CAPN14: variants seen among roughly 807,000 people sequenced by gnomAD.
The protein encoded by CAPN14 is calpain 14.
CAPN14 carries 94 observed loss-of-function variants against 101.3 expected under a neutral mutation model. The observed-to-expected ratio is 0.93, with a 90% CI of 0.79 to 1.10. CAPN14 has a LOEUF of 1.10. Among genes scored for constraint, CAPN14 ranks in the 50% least tolerant of loss-of-function variants. The pLI is 0.00. For missense variants in CAPN14, 837 were observed against 828.4 expected, an observed-to-expected ratio of 1.01 and a Z score of -0.13; for synonymous variants, 338 against 317.9, an observed-to-expected ratio of 1.06 and a Z score of -0.67.
chr2:31,181,761 G>A (rs1172615942), intron 16 of CAPN14, among the ~76,000 whole-genome samples: 1 of 140,478 alleles, frequency 7.1e-6, no homozygotes, highest in Non-Finnish European at 1.5e-5. Context: ...CTATGAGTGA[G>A]AACATGTGGT....
chr2:31,220,714 A>T (rs544073978), upstream of CAPN14, among the ~76,000 whole-genome samples: 1 of 152,200 alleles, frequency 6.6e-6, no homozygotes, highest in African/African-American at 2.4e-5. Flanking sequence ...CTGTAATCCC[A>T]GCTACTCAGG....
chr2:31,193,539 C>T (rs1041247962), intron 9 of CAPN14, among the ~76,000 whole-genome samples: 10 of 152,178 alleles, frequency 6.6e-5, no homozygotes, highest in African/African-American at 2.4e-4. Flanking sequence ...AAGCAGCCGG[C>T]CACATGGCTG....
chr2:31,217,164 G>C (rs1682682353), intron 1 of CAPN14, among the ~76,000 whole-genome samples: 1 of 152,060 alleles, frequency 6.6e-6, no homozygotes, highest in South Asian at 2.1e-4. Flanking sequence ...AGAGCTGGAG[G>C]GACCTCAGAA....
At chr2:31,223,457 T>A (rs534695058) in intron 2 of CAPN14, among the ~76,000 whole-genome samples, 15 of 152,128 alleles carry the variant, frequency 9.9e-5, no homozygotes, top group East Asian at 3.9e-4. Flanking sequence ...CAGTTCAACA[T>A]CCTACCCTTC....
At chr2:31,218,072 A>C (rs893050092), upstream of CAPN14, among the ~76,000 whole-genome samples, 2 of 151,986 alleles carry the variant, frequency 1.3e-5, no homozygotes, top group East Asian at 3.9e-4. Flanking sequence ...CCTACTTTCC[A>C]AATCCCCCAT....
intron 1 of CAPN14, among the ~76,000 whole-genome samples, chr2:31,231,366 C>T (rs183424451): frequency 1.2e-4 from 19 of 152,328 alleles, no homozygotes; most frequent in Admixed American, 7.8e-4. Context: ...CACAATGGAA[C>T]ATGGCATGTC....
rs1428124271 is a variant in CAPN14 at position 31,202,250 on chromosome 2, C to A, written c.298G>T (p.Asp100Tyr). Reference sequence around the variant, plus strand: ...TGCAAAGCAGCCAAGAACCAGCAGTCTCCTAAGTCAGACAGCACACAGCAT... The same window carrying A: ...TGCAAAGCAGCCAAGAACCAGCAGTATCCTAAGTCAGACAGCACACAGCAT... ...RLDLCQGIVG[D>Y]CWFLAALQAL... is the part of the protein sequence containing the mutation. Residue 100 changes from aspartate to tyrosine, a missense_variant and splice_region_variant, in exon 4 of 22, where the codon GAC (aspartate) becomes TAC (tyrosine). Physicochemically the swap from Asp to Tyr is radical, Grantham distance 160. Coordinates refer to ENST00000403897, the MANE Select transcript of CAPN14 (RefSeq NM_001145122.2). 10 of 1,551,020 alleles carry A rather than the reference C, an allele frequency of 6.4e-6. No homozygotes were observed. Among genetic ancestry groups the A allele is most frequent in the Non-Finnish European group, 8.7e-6 (10 of 1,146,360 alleles).
intron 6 of CAPN14, among the ~76,000 whole-genome samples, 195 bp downstream of exon 6, chr2:31,200,256 G>T (rs6543618): frequency 6.6e-6 from 1 of 152,172 alleles, no homozygotes; most frequent in Non-Finnish European, 1.5e-5. Context: ...CCGCCCACCT[G>T]GGCCTCCCAA....
chr2:31,209,351 C>T (rs60910668), intron 1 of CAPN14, among the ~76,000 whole-genome samples: 3,353 of 152,114 alleles, frequency 0.022, 113 homozygotes, highest in African/African-American at 0.073. Context: ...GGCTATTCTC[C>T]CCTTATCTAT....
rs1681718466 is a variant in CAPN14, at chr2:31,200,772, C to T, written c.552-147G>A. 21 of 713,790 alleles carry T rather than the reference C, an allele frequency of 2.9e-5. No homozygotes were observed. The South Asian group carries it at 4.4e-4, about 15-fold the overall frequency. 44.2% of individuals were successfully genotyped at this position (713,790 alleles called of 1,614,324 possible). ...GGCAACCCTGACATAGTTTCCAATA[C>T]CATACCCATCCTGAATGGCTCCAGC... On this transcript the variant is annotated intron_variant, in intron 5 of 21. Transcript: ENST00000403897.
chr2:31,203,028 C>T, intron 3 of CAPN14, 42 bp downstream of exon 3: 1 of 1,505,556 alleles, frequency 6.6e-7, no homozygotes, highest in Non-Finnish European at 9.0e-7. Flanking sequence ...GCCTGGTCAG[C>T]AGGCAGCCTA....
chr2:31,194,223 CAA>C (rs750363670), intron 9 of CAPN14, among the ~76,000 whole-genome samples, 184 bp downstream of exon 9: 1 of 152,236 alleles, frequency 6.6e-6, no homozygotes, highest in Non-Finnish European at 1.5e-5. Context: ...ACTCTCATCA[CAA>C]AGACAGTGAC....
rs1681517185 is a variant in CAPN14, at chr2:31,197,319, T to C, written c.805A>G (p.Arg269Gly). 6.4e-7 allele frequency: 1 copy of C among 1,550,698 alleles called. No individual in the cohort carries two copies. Among genetic ancestry groups the C allele is most frequent in the Non-Finnish European group, 8.7e-7 (1 of 1,145,752 alleles). The change falls in exon 8 of 22, where the codon AGA becomes GGA. Residue 269 changes from arginine (R) to glycine (G), a missense_variant. By Grantham distance (125) the Arg-to-Gly change is moderately radical. Coordinates refer to ENST00000403897, the MANE Select transcript of CAPN14 (RefSeq NM_001145122.2). ...TGIRKVTCKHRPEYLVKLRNP... is the reference protein window; with the variant it reads ...TGIRKVTCKHGPEYLVKLRNP... The stretch of plus-strand genomic sequence containing the variant: ...CGTAGCTTGACGAGATATTCAGGTC[T>C]ATGTTTGCAGGTCACCTGCATAAAA...
intron 2 of CAPN14, among the ~76,000 whole-genome samples, chr2:31,225,493 T>C (rs1216234348): frequency 6.6e-6 from 1 of 152,020 alleles, no homozygotes; most frequent in Non-Finnish European, 1.5e-5. Context: ...ATTTCATTTA[T>C]TAAATATATA....
At chr2:31,202,074 C>G in intron 4 of CAPN14, 60 bp downstream of exon 4, 1 of 1,549,800 alleles carries the variant, frequency 6.5e-7, no homozygotes, top group Non-Finnish European at 8.7e-7. Context: ...AAGACATGGT[C>G]CTCCAGGAAC....
rs368498767 is a variant in CAPN14, at chr2:31,177,764, C to T, written c.1837G>A (p.Ala613Thr). ...TGCCTACCTGCCTCCCTCATGGCAG[C>T]GTGCAGCTGCTCCCAGTTCAGGTAT... ...SGYLNWEQLH[A>T]AMREAGIMLS... is the part of the protein sequence containing the mutation. Residue 613 changes from alanine (A) to threonine (T), a missense_variant, in exon 19 of 22, where the codon GCT becomes ACT. Ala to Thr is a moderately conservative substitution (Grantham distance 58). Transcript: ENST00000403897. The T allele has an allele frequency of 9.9e-5, 153 of 1,551,784 alleles. No individual in the cohort carries two copies. Among genetic ancestry groups the T allele is most frequent in the Middle Eastern group, 1.7e-4 (1 of 6,010 alleles).
At position 31,193,268 on chromosome 2, in the gene CAPN14, T is replaced by C. The variant is rs1681297842; in HGVS notation, c.977A>G (p.His326Arg). Residue 326 changes from histidine (H) to arginine (R), a missense_variant, in exon 10 of 22, where the codon CAT (histidine) becomes CGT (arginine). Physicochemically the swap from His to Arg is conservative, Grantham distance 29 (BLOSUM62 0). Coordinates refer to ENST00000403897, the MANE Select transcript of CAPN14 (RefSeq NM_001145122.2). ...TTTACAGATAACCAGGAGCACGAAA[T>C]GTGTTTTAAAGTCCTGCAGCGTCAT... ...FWMTLQDFKT[H>R]FVLLVICKLT... is the part of the protein sequence containing the mutation. The C allele has an allele frequency of 5.2e-6, 8 of 1,551,724 alleles. No individual in the cohort carries two copies. Among genetic ancestry groups the C allele is most frequent in the Non-Finnish European group, 6.1e-6 (7 of 1,147,004 alleles).
intron 17 of CAPN14, among the ~76,000 whole-genome samples, chr2:31,179,060 C>CTAGATATA (rs1680454485): frequency 1.4e-5 from 1 of 69,216 alleles, no homozygotes; most frequent in African/African-American, 7.4e-5. Flanking sequence ...TTATTGAGTT[C>CTAGATATA]TATATATATA....
Position 31,211,162 on chromosome 2 carries a change from T to C in CAPN14, c.-52-5663A>G, listed in dbSNP as rs562666533. 1.3e-4 allele frequency among the ~76,000 whole-genome samples: 19 copies of C among 150,702 alleles called. No individual in the cohort carries two copies. The South Asian group carries it at 4.0e-3, about 32-fold the overall frequency. ...CATTCTTAATCACTTTTAATTGTAA[T>C]TCCTAGTTAAGCCAATAAAACAGAA... On this transcript the variant is annotated intron_variant, in intron 1 of 21. Coordinates refer to ENST00000403897, the MANE Select transcript of CAPN14 (RefSeq NM_001145122.2).
Sources: gnomAD v4.1 joint callset for allele counts (sites outside exome capture counted in the v4.1 genomes callset) on GRCh38, gnomAD v4.1.1 for gene constraint, MANE v1.5 for transcripts, NCBI Gene and HGNC (gene_info 2026-07-23, HGNC 2026-07-21) for gene names.